OSBPL1A: variants seen among roughly 807,000 people sequenced by gnomAD.
OSBPL1A encodes the protein oxysterol-binding protein-related protein 1.
Under a neutral mutation model 137.1 loss-of-function variants are expected in OSBPL1A, and 80 were observed. The ratio of observed to expected loss-of-function variants is 0.58; its 90% CI spans 0.49 to 0.70. The LOEUF (loss-of-function observed/expected upper bound fraction) is 0.70, where lower values mean the gene tolerates loss of function less well. Among genes scored for constraint, OSBPL1A ranks in the 30% least tolerant of loss-of-function variants. The probability of loss-of-function intolerance (pLI) is 0.00; values close to 1 mark genes in which losing one functional copy is unlikely to be tolerated. For missense variants in OSBPL1A, 970 were observed against 1,129.4 expected, an observed-to-expected ratio of 0.86 and a Z score of 2.02; for synonymous variants, 365 against 389.7, an observed-to-expected ratio of 0.94 and a Z score of 0.75.
chr18:24,347,254 G>A (rs1244603364), intron 4 of OSBPL1A, among the ~76,000 whole-genome samples: 3 of 152,130 alleles, frequency 2.0e-5, no homozygotes, highest in Non-Finnish European at 4.4e-5. Context: ...TTGGCTCACT[G>A]CAACCTCTGC....
intron 16 of OSBPL1A, among the ~76,000 whole-genome samples, chr18:24,228,617 C>T (rs1201807008): frequency 2.6e-5 from 4 of 152,096 alleles, no homozygotes; most frequent in Non-Finnish European, 5.9e-5. Flanking sequence ...TAGGTGATCA[C>T]AGGAGTCTGA....
At chr18:24,233,519 A>G (rs971902312) in intron 16 of OSBPL1A, among the ~76,000 whole-genome samples, 2 of 152,196 alleles carry the variant, frequency 1.3e-5, no homozygotes, top group African/African-American at 2.4e-5. Context: ...AGAAACATCA[A>G]TGACATTTCT....
intron 14 of OSBPL1A, among the ~76,000 whole-genome samples, chr18:24,292,665 C>A (rs772136530): frequency 1.2e-4 from 19 of 152,124 alleles, no homozygotes; most frequent in Non-Finnish European, 2.4e-4. Flanking sequence ...GGCAGACAAT[C>A]AACTACACAC....
intron 2 of OSBPL1A, among the ~76,000 whole-genome samples, chr18:24,376,390 G>A (rs529027206): frequency 6.6e-6 from 1 of 152,308 alleles, no homozygotes; most frequent in East Asian, 1.9e-4. Context: ...CTAGACGCAG[G>A]GTGCTGATTG....
chr18:24,280,546 C>G (rs1462233515), intron 15 of OSBPL1A, among the ~76,000 whole-genome samples: 1 of 152,188 alleles, frequency 6.6e-6, no homozygotes, highest in Non-Finnish European at 1.5e-5. Context: ...CCTTCTGTTT[C>G]TAGAATATTT....
chr18:24,194,839 G>T (rs60779375), intron 18 of OSBPL1A, among the ~76,000 whole-genome samples: 2 of 152,114 alleles, frequency 1.3e-5, no homozygotes, highest in Non-Finnish European at 1.5e-5. Flanking sequence ...GCGGGAGAGC[G>T]GGGATTAGAT....
At position 24,170,472 on chromosome 18, in the gene OSBPL1A, G is replaced by A. The variant is rs1291748730; in HGVS notation, c.2292-19C>T. The A allele has an allele frequency of 3.7e-6, 6 of 1,613,656 alleles. No individual in the cohort carries two copies. In the East Asian group the frequency reaches 6.7e-5, roughly 18 times the overall value. ...CTTTTTGCTGTCAAGAAAAACTGAT[G>A]TTTAGTTAACAAACCAGTGTTTGTT... On this transcript the variant is annotated intron_variant, in intron 23 of 27. Transcript: ENST00000319481.
At chr18:24,388,833 A>G (rs1202394659) in intron 1 of OSBPL1A, among the ~76,000 whole-genome samples, 2 of 151,754 alleles carry the variant, frequency 1.3e-5, no homozygotes, top group African/African-American at 2.4e-5. Flanking sequence ...CAAAAATAAC[A>G]AAAAAGGGAG....
intron 1 of OSBPL1A, among the ~76,000 whole-genome samples, chr18:24,384,731 G>T (rs578073867): frequency 1.1e-3 from 173 of 151,922 alleles, no homozygotes; most frequent in African/African-American, 4.0e-3. Flanking sequence ...TTAGCCAAGC[G>T]TGGTGGTGGG....
At chr18:24,386,012 A>C (rs1906941016) in intron 1 of OSBPL1A, among the ~76,000 whole-genome samples, 1 of 152,182 alleles carries the variant, frequency 6.6e-6, no homozygotes, top group South Asian at 2.1e-4. Flanking sequence ...AAAGACGGCA[A>C]GGATCATGAT....
In OSBPL1A at chr18:24,270,130, T is replaced by G. The variant is rs865909999; in HGVS notation, c.1281+10712A>C. Reference sequence around the variant, plus strand: ...TCTATTTTTAGAGGAATTAAAATATTTCTTATAATTCTCAGAAAGCTGATA... The same window carrying G: ...TCTATTTTTAGAGGAATTAAAATATGTCTTATAATTCTCAGAAAGCTGATA... On this transcript the variant is annotated intron_variant, in intron 15 of 27. Coordinates refer to ENST00000319481, the MANE Select transcript of OSBPL1A (RefSeq NM_080597.4). 3.3e-5 allele frequency among the ~76,000 whole-genome samples: 5 copies of G among 152,316 alleles called. No individual in the cohort carries two copies. The South Asian group carries it at 8.3e-4, about 25-fold the overall frequency.
chr18:24,210,052 ATAATG>A (rs1287120110), intron 17 of OSBPL1A, among the ~76,000 whole-genome samples: 1 of 152,248 alleles, frequency 6.6e-6, no homozygotes, highest in Non-Finnish European at 1.5e-5. Context: ...AAAAGAAACT[ATAATG>A]TAATGTAACT....
chr18:24,368,619 G>A (rs1905361331), intron 2 of OSBPL1A: 1 of 349,400 alleles, frequency 2.9e-6, no homozygotes, highest in South Asian at 5.8e-5. Context: ...CAGGACGGGG[G>A]TTACATTCGA....
intron 20 of OSBPL1A, among the ~76,000 whole-genome samples, chr18:24,178,779 C>G (rs1433139434): frequency 6.6e-6 from 1 of 152,014 alleles, no homozygotes; most frequent in Non-Finnish European, 1.5e-5. Context: ...CACATCATTC[C>G]TTTTACATTA....
chr18:24,356,325 C>A (rs149403616), intron 4 of OSBPL1A, among the ~76,000 whole-genome samples: 1 of 152,152 alleles, frequency 6.6e-6, no homozygotes, highest in Non-Finnish European at 1.5e-5. Flanking sequence ...TGAATTCCCC[C>A]GACCATTCCC....
chr18:24,283,689 A>T (rs553484276), intron 14 of OSBPL1A, among the ~76,000 whole-genome samples: 1 of 152,224 alleles, frequency 6.6e-6, no homozygotes, highest in Non-Finnish European at 1.5e-5. Flanking sequence ...CCCTTCCATA[A>T]ATTTTCTGAG....
intron 4 of OSBPL1A, among the ~76,000 whole-genome samples, chr18:24,349,858 G>GAATT (rs1457628123): frequency 6.6e-6 from 1 of 152,148 alleles, no homozygotes; most frequent in Non-Finnish European, 1.5e-5. Flanking sequence ...CCTGAGCAGA[G>GAATT]AATTCAGCTA....
chr18:24,332,385 C>CAAAAAAA (rs71163675), intron 7 of OSBPL1A, among the ~76,000 whole-genome samples: 10 of 53,060 alleles, frequency 1.9e-4, no homozygotes, highest in African/African-American at 4.7e-4. Flanking sequence ...GACTCTGTCT[C>CAAAAAAA]AAAAAAAAAA....
intron 15 of OSBPL1A, among the ~76,000 whole-genome samples, chr18:24,242,704 T>C (rs2088743026): frequency 6.6e-6 from 1 of 152,182 alleles, no homozygotes; most frequent in Admixed American, 6.5e-5. Flanking sequence ...TGTTTATCAA[T>C]ACAGCAGGCA....
Sources: gnomAD v4.1 joint callset for allele counts (sites outside exome capture counted in the v4.1 genomes callset) on GRCh38, gnomAD v4.1.1 for gene constraint, MANE v1.5 for transcripts, NCBI Gene and HGNC (gene_info 2026-07-23, HGNC 2026-07-21) for gene names.